Variants in ROBO1 observed in about 807,000 individuals in gnomAD.
ROBO1 encodes the protein roundabout guidance receptor 1, also known as roundabout homolog 1.
Under a neutral mutation model 195.9 loss-of-function variants are expected in ROBO1, and 149 were observed. The observed-to-expected ratio is 0.76, with a 90% confidence interval of 0.67 to 0.87. The LOEUF is 0.87. Ranked by LOEUF, ROBO1 falls within the 40% of genes least tolerant of loss-of-function variation. ROBO1 has a pLI of 0.00. For synonymous variants in ROBO1, 816 were observed against 733.2 expected (o/e 1.11, Z -1.82); for missense variants, 1,933 against 2,068.3 (o/e 0.93, Z 1.27).
At chr3:79,667,717 T>C (rs1449148473) in intron 1 of ROBO1, among the ~76,000 whole-genome samples, 2 of 151,840 alleles carry the variant, frequency 1.3e-5, no homozygotes, top group East Asian at 3.9e-4. Flanking sequence ...GATGTCTTGA[T>C]CAAGCAATCA....
intron 4 of ROBO1, among the ~76,000 whole-genome samples, chr3:78,931,236 CTTTTTTTTTTT>C (rs71127369): frequency 2.7e-4 from 21 of 79,210 alleles, no homozygotes; most frequent in Admixed American, 5.2e-4. Flanking sequence ...TTCTTTCTTT[CTTTTTTTTTTT>C]TTTTTTTTTT....
intron 1 of ROBO1, among the ~76,000 whole-genome samples, chr3:79,698,428 G>C (rs961917420): frequency 1.3e-5 from 2 of 151,394 alleles, no homozygotes; most frequent in Non-Finnish European, 3.0e-5. Flanking sequence ...AGATGAAGTA[G>C]ACAGATTCAC....
chr3:78,970,490 G>A (rs1027871292), intron 3 of ROBO1, among the ~76,000 whole-genome samples: 20 of 152,052 alleles, frequency 1.3e-4, no homozygotes, highest in Non-Finnish European at 2.6e-4. Flanking sequence ...TTTAAAGTGA[G>A]ATTTTATTTA....
chr3:79,152,626 T>C (rs1393753815), intron 2 of ROBO1, among the ~76,000 whole-genome samples: 1 of 151,804 alleles, frequency 6.6e-6, no homozygotes, highest in East Asian at 1.9e-4. Context: ...TATTACAAAG[T>C]CAAATCACAA....
chr3:78,662,241 T>C, intron 14 of ROBO1, 127 bp from the exon 15 acceptor site: 2 of 665,502 alleles, frequency 3.0e-6, no homozygotes, highest in Non-Finnish European at 4.4e-6. Flanking sequence ...AGGCTGTGAT[T>C]CGGAAAAAAA....
At chr3:79,377,692 A>G (rs879372865) in intron 2 of ROBO1, among the ~76,000 whole-genome samples, 1 of 152,148 alleles carries the variant, frequency 6.6e-6, no homozygotes, top group Admixed American at 6.5e-5. Flanking sequence ...GCACTAACGG[A>G]GAAAGGTGGT....
chr3:79,282,316 T>C (rs1344892989), intron 2 of ROBO1, among the ~76,000 whole-genome samples: 1 of 152,172 alleles, frequency 6.6e-6, no homozygotes, highest in African/African-American at 2.4e-5. Context: ...AGAACCCTCC[T>C]CTTTATCCAT....
At chr3:79,217,291 C>T (rs2082071590) in intron 2 of ROBO1, among the ~76,000 whole-genome samples, 1 of 151,994 alleles carries the variant, frequency 6.6e-6, no homozygotes, top group East Asian at 1.9e-4. Context: ...TTTTTTAAAA[C>T]TTCCAATTTA....
intron 2 of ROBO1, among the ~76,000 whole-genome samples, chr3:79,576,116 C>G (rs1943477695): frequency 6.6e-6 from 1 of 152,008 alleles, no homozygotes; most frequent in Middle Eastern, 3.4e-3. Flanking sequence ...TGACATTATA[C>G]ATTGAATAGT....
chr3:78,833,292 G>A (rs2032400248), intron 4 of ROBO1, among the ~76,000 whole-genome samples: 1 of 152,072 alleles, frequency 6.6e-6, no homozygotes, highest in African/African-American at 2.4e-5. Flanking sequence ...TTAGAGGTGG[G>A]GAATAGGACA....
At chr3:79,287,014 A>G (rs2031926789) in intron 2 of ROBO1, among the ~76,000 whole-genome samples, 2 of 152,280 alleles carry the variant, frequency 1.3e-5, no homozygotes, top group South Asian at 2.1e-4. Context: ...ATATCATTGT[A>G]CATATATGTC....
intron 2 of ROBO1, among the ~76,000 whole-genome samples, chr3:79,401,150 G>C (rs2037353130): frequency 6.6e-6 from 1 of 151,616 alleles, no homozygotes; most frequent in Non-Finnish European, 1.5e-5. Flanking sequence ...CAGTAAACCA[G>C]AGTAGGTAAA....
chr3:79,186,970 A>G (rs1178599572), intron 2 of ROBO1, among the ~76,000 whole-genome samples: 1 of 152,074 alleles, frequency 6.6e-6, no homozygotes, highest in Non-Finnish European at 1.5e-5. Context: ...CCATGTTCTG[A>G]CATATGTGTA....
At chr3:78,860,472 T>G (rs2034765035) in intron 4 of ROBO1, among the ~76,000 whole-genome samples, 1 of 151,692 alleles carries the variant, frequency 6.6e-6, no homozygotes, top group Admixed American at 6.6e-5. Flanking sequence ...GATTTTTCCC[T>G]CAAAGAATTT....
At chr3:78,726,966 T>C (rs2082175969) in intron 5 of ROBO1, among the ~76,000 whole-genome samples, 2 of 152,034 alleles carry the variant, frequency 1.3e-5, no homozygotes, top group Non-Finnish European at 2.9e-5. Flanking sequence ...TAGGAGGAGG[T>C]AAAGTAATAC....
intron 2 of ROBO1, among the ~76,000 whole-genome samples, chr3:79,289,750 C>G (rs529899144): frequency 4.5e-4 from 68 of 152,116 alleles, no homozygotes; most frequent in African/African-American, 1.6e-3. Flanking sequence ...TTTCCAGAAC[C>G]ACAACTTGAA....
intron 2 of ROBO1, among the ~76,000 whole-genome samples, chr3:79,166,992 GCACATATC>G (rs1212222050): frequency 6.6e-6 from 1 of 151,980 alleles, no homozygotes; most frequent in Non-Finnish European, 1.5e-5. Context: ...GAGGCGATGT[GCACATATC>G]CACGTGTCTC....
chr3:79,569,665 GTGTGTGTGTA>G (rs150785758), intron 2 of ROBO1, among the ~76,000 whole-genome samples: 21,865 of 150,428 alleles, frequency 0.15, 2,029 homozygotes, highest in African/African-American at 0.26. Context: ...GTGTGTGTGT[GTGTGTGTGTA>G]TATATGTGTG....
At chr3:79,654,525 A>C (rs1946103638) in intron 1 of ROBO1, among the ~76,000 whole-genome samples, 1 of 152,098 alleles carries the variant, frequency 6.6e-6, no homozygotes. Flanking sequence ...AATAAAAAGT[A>C]GAAATCGCAT....
Sources: gnomAD v4.1 joint callset for allele counts (sites outside exome capture counted in the v4.1 genomes callset) on GRCh38, gnomAD v4.1.1 for gene constraint, MANE v1.5 for transcripts, NCBI Gene and HGNC (gene_info 2026-07-23, HGNC 2026-07-21) for gene names.